Variants in ERBB4 observed in about 807,000 individuals in gnomAD.
ERBB4 encodes the protein erb-b2 receptor tyrosine kinase 4.
Under a neutral mutation model 158.0 loss-of-function variants are expected in ERBB4, and 42 were observed. The observed-to-expected ratio is 0.27, with a 90% CI of 0.21 to 0.34. The LOEUF is 0.34. Among genes scored for constraint, ERBB4 ranks in the 10% least tolerant of loss-of-function variants. The pLI is 1.00. For synonymous variants in ERBB4, 583 were observed against 558.7 expected, an observed-to-expected ratio of 1.04 and a Z score of -0.61; for missense variants, 1,333 against 1,624.1, an observed-to-expected ratio of 0.82 and a Z score of 3.08.
At position 211,630,560 on chromosome 2, in the gene ERBB4, G is replaced by C. The variant is rs1267104585; in HGVS notation, c.1981C>G (p.Leu661Val). The C allele has an allele frequency of 2.5e-6, 4 of 1,613,202 alleles. No homozygotes were observed. The African/African-American group carries it at 4.0e-5, about 16-fold the overall frequency. Reference sequence around the variant, plus strand: ...AGACCCACAATGACCAGAATGAAGAGCCCACCAATTACTCCAGCTGCAATC... The same window carrying C: ...AGACCCACAATGACCAGAATGAAGACCCCACCAATTACTCCAGCTGCAATC... ...PLIAAGVIGGLFILVIVGLTF... is the reference protein window; with the variant it reads ...PLIAAGVIGGVFILVIVGLTF... Residue 661 changes from leucine (L) to valine (V), a missense_variant, in exon 17 of 28, where the codon CTC becomes GTC. Leu to Val is a conservative substitution (Grantham distance 32). This residue lies in a region of ERBB4 where 245 missense variants were observed against 247.5 expected (regional missense o/e 0.99). Transcript: ENST00000342788.
chr2:212,378,098 A>G (rs951186606), intron 1 of ERBB4, among the ~76,000 whole-genome samples: 1 of 151,840 alleles, frequency 6.6e-6, no homozygotes, highest in Non-Finnish European at 1.5e-5. Context: ...AATAGCACGC[A>G]TGGTGTTGCC....
intron 1 of ERBB4, among the ~76,000 whole-genome samples, chr2:212,490,480 T>C (rs1282132117): frequency 1.3e-5 from 2 of 151,886 alleles, no homozygotes; most frequent in African/African-American, 4.8e-5. Context: ...TTTACATCTC[T>C]GTATCTGATT....
intron 2 of ERBB4, among the ~76,000 whole-genome samples, chr2:212,079,954 T>G (rs2125463870): frequency 6.6e-6 from 1 of 152,162 alleles, no homozygotes; most frequent in East Asian, 1.9e-4. Flanking sequence ...GTTCTAAATC[T>G]TACAGATTTA....
At chr2:211,656,453 T>C (rs1338011858) in intron 16 of ERBB4, among the ~76,000 whole-genome samples, 1 of 152,244 alleles carries the variant, frequency 6.6e-6, no homozygotes, top group Non-Finnish European at 1.5e-5. Flanking sequence ...GGTAATGTTA[T>C]ATAGGAAATA....
intron 10 of ERBB4, among the ~76,000 whole-genome samples, chr2:211,704,875 T>C (rs1415463280): frequency 6.6e-6 from 1 of 152,190 alleles, no homozygotes; most frequent in Non-Finnish European, 1.5e-5. Context: ...AAAAATAACA[T>C]GAGTTTTTAC....
chr2:212,493,419 G>C (rs1388862917), intron 1 of ERBB4, among the ~76,000 whole-genome samples: 5 of 150,888 alleles, frequency 3.3e-5, no homozygotes, highest in Non-Finnish European at 7.4e-5. Flanking sequence ...ACATTTCCAG[G>C]ACTTACAAAC....
chr2:211,911,082 G>C (rs1219599273), intron 3 of ERBB4, among the ~76,000 whole-genome samples: 1 of 152,100 alleles, frequency 6.6e-6, no homozygotes, highest in African/African-American at 2.4e-5. Context: ...GTTTTCACTA[G>C]TAAATGAACT....
chr2:211,812,040 G>A (rs1170929838), intron 3 of ERBB4, among the ~76,000 whole-genome samples: 1 of 152,184 alleles, frequency 6.6e-6, no homozygotes, highest in Non-Finnish European at 1.5e-5. Context: ...GCTCGTCAAA[G>A]TTATTCTCTG....
chr2:211,763,569 T>A (rs549489344), intron 4 of ERBB4, among the ~76,000 whole-genome samples: 3 of 151,916 alleles, frequency 2.0e-5, no homozygotes, highest in African/African-American at 7.3e-5. Flanking sequence ...TTTTGAAAGG[T>A]CTTATAATAT....
intron 3 of ERBB4, among the ~76,000 whole-genome samples, chr2:211,926,268 G>A (rs530208603): frequency 6.6e-6 from 1 of 152,210 alleles, no homozygotes; most frequent in East Asian, 1.9e-4. Context: ...AGATACTGAT[G>A]AGCACTAATT....
chr2:211,597,880 C>T (rs1488744694), intron 19 of ERBB4, among the ~76,000 whole-genome samples: 1 of 151,788 alleles, frequency 6.6e-6, no homozygotes, highest in Non-Finnish European at 1.5e-5. Flanking sequence ...AAAATTTCCC[C>T]AAAAAGAAAG....
rs535269872 is a variant in ERBB4, at chr2:212,168,261, A to AT, written c.83-43359dup. On this transcript the variant is annotated intron_variant, in intron 1 of 27. Transcript: ENST00000342788. ...ATACACTGGAGTAATTTTAGGCTTGATTTTTTCAAGAGTAAAGGAAAAGAA... is the reference window on the plus strand; with the variant it reads ...ATACACTGGAGTAATTTTAGGCTTGATTTTTTTCAAGAGTAAAGGAAAAGAA... 4.9e-3 allele frequency among the ~76,000 whole-genome samples: 738 copies of AT among 152,114 alleles called. 1 individual carries two copies. Among genetic ancestry groups the AT allele is most frequent in the African/African-American group, 9.8e-3 (406 of 41,514 alleles).
intron 2 of ERBB4, among the ~76,000 whole-genome samples, chr2:211,958,020 C>T (rs2081078450): frequency 6.6e-6 from 1 of 152,020 alleles, no homozygotes; most frequent in Non-Finnish European, 1.5e-5. Flanking sequence ...GATTCTGTGA[C>T]TAGTCTGTTG....
intron 1 of ERBB4, 57 bp downstream of exon 1, chr2:212,538,392 G>T (rs372235617): frequency 6.7e-7 from 1 of 1,502,350 alleles, no homozygotes; most frequent in Non-Finnish European, 9.3e-7. Flanking sequence ...GGAGCCACTC[G>T]AGGCAGCCCC....
intron 25 of ERBB4, among the ~76,000 whole-genome samples, chr2:211,390,328 A>C (rs1376085306): frequency 6.6e-6 from 1 of 152,224 alleles, no homozygotes; most frequent in Non-Finnish European, 1.5e-5. Flanking sequence ...GATTGTTAGA[A>C]GAAAAGGCAA....
intron 4 of ERBB4, among the ~76,000 whole-genome samples, chr2:211,783,028 G>GTA: frequency 8.7e-5 from 9 of 103,194 alleles, no homozygotes; most frequent in African/African-American, 2.7e-4. Flanking sequence ...TTCCATTTGT[G>GTA]TCCTATTTTA....
intron 1 of ERBB4, among the ~76,000 whole-genome samples, chr2:212,385,401 C>A (rs2090642828): frequency 6.6e-6 from 1 of 151,806 alleles, no homozygotes; most frequent in Non-Finnish European, 1.5e-5. Context: ...CGACAAACCA[C>A]ATTTTCCTTT....
At chr2:212,144,310 G>T (rs1384051929) in intron 1 of ERBB4, among the ~76,000 whole-genome samples, 1 of 152,012 alleles carries the variant, frequency 6.6e-6, no homozygotes, top group African/African-American at 2.4e-5. Context: ...TCACCTAACT[G>T]GTATTTAAGA....
chr2:211,944,081 CTATATA>C (rs58348907), intron 3 of ERBB4, among the ~76,000 whole-genome samples: 5 of 133,588 alleles, frequency 3.7e-5, no homozygotes, highest in African/African-American at 1.4e-4. Flanking sequence ...CATGGTTACA[CTATATA>C]TATATATATA....
Sources: gnomAD v4.1 joint callset for allele counts (sites outside exome capture counted in the v4.1 genomes callset) on GRCh38, gnomAD v4.1.1 for gene constraint, gnomAD v4.1.1 regional missense constraint, MANE v1.5 for transcripts, NCBI Gene and HGNC (gene_info 2026-07-23, HGNC 2026-07-21) for gene names.